Variants in ITPR2 observed in about 807,000 individuals in gnomAD.
The protein encoded by ITPR2 is inositol 1,4,5-trisphosphate-gated calcium channel ITPR2.
A neutral mutation model predicts 317.1 loss-of-function variants in ITPR2; 207 were observed. The observed-to-expected ratio is 0.65, with a 90% CI of 0.58 to 0.73. The LOEUF is 0.73. Among genes scored for constraint, ITPR2 ranks in the 30% least tolerant of loss-of-function variants. ITPR2 has a pLI of 0.00. For synonymous variants in ITPR2, 1,156 were observed against 1,149.1 expected, an observed-to-expected ratio of 1.01 and a Z score of -0.12; for missense variants, 2,613 against 3,284.0, an observed-to-expected ratio of 0.80 and a Z score of 4.99.
intron 32 of ITPR2, among the ~76,000 whole-genome samples, chr12:26,580,683 A>T (rs1945383891): frequency 6.6e-6 from 1 of 152,208 alleles, no homozygotes; most frequent in Non-Finnish European, 1.5e-5. Flanking sequence ...TTTTGATGTT[A>T]TCATCCATGG....
At chr12:26,746,646 G>A (rs776904410) in intron 2 of ITPR2, among the ~76,000 whole-genome samples, 1 of 152,108 alleles carries the variant, frequency 6.6e-6, no homozygotes, top group Non-Finnish European at 1.5e-5. Flanking sequence ...CCTTATTACT[G>A]ATGCACACAT....
At chr12:26,691,293 T>A (rs1948235448) in intron 10 of ITPR2, among the ~76,000 whole-genome samples, 1 of 152,224 alleles carries the variant, frequency 6.6e-6, no homozygotes, top group South Asian at 2.1e-4. Context: ...TCCTTGTGGC[T>A]TTTGTTTATA....
chr12:26,342,270 G>C (rs1938141379), intron 55 of ITPR2, among the ~76,000 whole-genome samples: 1 of 152,096 alleles, frequency 6.6e-6, no homozygotes, highest in Non-Finnish European at 1.5e-5. Context: ...GAGGAGAACA[G>C]ACCTGTGCTA....
chr12:26,705,514 C>G (rs1007373498), intron 9 of ITPR2, among the ~76,000 whole-genome samples: 2 of 152,170 alleles, frequency 1.3e-5, no homozygotes, highest in African/African-American at 2.4e-5. Flanking sequence ...TTTCTACTCC[C>G]TAATGATCTT....
chr12:26,410,924 A>G lies in ITPR2; in HGVS notation c.7399+396T>C, dbSNP rs1261292505. Among the ~76,000 whole-genome samples the G allele has an allele frequency of 2.6e-5, 4 of 152,336 alleles. No individual in the cohort carries two copies. The East Asian group carries it at 7.7e-4, about 29-fold the overall frequency. On this transcript the variant is annotated intron_variant, in intron 52 of 56. Coordinates refer to ENST00000381340, the MANE Select transcript of ITPR2 (RefSeq NM_002223.4). ...GAAATTTGCATAACTTGTCCAAGAC[A>G]TAGAGCTAGAGACTGTCAAGTCCAG... is the stretch of plus-strand genomic sequence containing the variant.
At chr12:26,642,955 G>A (rs1159318892) in intron 21 of ITPR2, among the ~76,000 whole-genome samples, 1 of 152,146 alleles carries the variant, frequency 6.6e-6, no homozygotes, top group Non-Finnish European at 1.5e-5. Flanking sequence ...GTGTCCCCCC[G>A]AAATTCATGC....
chr12:26,753,383 T>C (rs1250984616), intron 2 of ITPR2, among the ~76,000 whole-genome samples: 1 of 152,188 alleles, frequency 6.6e-6, no homozygotes, highest in Non-Finnish European at 1.5e-5. Flanking sequence ...GAATTAGGCA[T>C]GTACAGGATC....
chr12:26,828,881 G>A (rs533800401), intron 1 of ITPR2, among the ~76,000 whole-genome samples: 4 of 152,264 alleles, frequency 2.6e-5, no homozygotes, highest in South Asian at 2.1e-4. Context: ...GTAGAGGACC[G>A]CAAGGAGCCG....
At chr12:26,602,048 C>T (rs758724200) in intron 28 of ITPR2, among the ~76,000 whole-genome samples, 3 of 151,902 alleles carry the variant, frequency 2.0e-5, no homozygotes, top group Non-Finnish European at 4.4e-5. Context: ...ACATGACAAC[C>T]GAATAGCGCA....
chr12:26,649,883 G>A (rs920899844), intron 21 of ITPR2, among the ~76,000 whole-genome samples: 1 of 152,146 alleles, frequency 6.6e-6, no homozygotes. Flanking sequence ...TAGACAGATA[G>A]ATAATCTGAC....
At chr12:26,579,893 G>A (rs1371932406) in intron 33 of ITPR2, 134 bp downstream of exon 33, 1 of 598,674 alleles carries the variant, frequency 1.7e-6, no homozygotes, top group East Asian at 2.8e-5. Context: ...TCAGAAAGAG[G>A]CATAATAGTA....
intron 2 of ITPR2, among the ~76,000 whole-genome samples, chr12:26,782,037 T>TGTAGAGAG (rs1945716908): frequency 1.9e-5 from 1 of 51,736 alleles, no homozygotes; most frequent in African/African-American, 5.7e-5. Flanking sequence ...TATATATGTA[T>TGTAGAGAG]AGAGAGAGAG....
At chr12:26,643,532 G>C (rs1947039742) in intron 21 of ITPR2, among the ~76,000 whole-genome samples, 1 of 152,192 alleles carries the variant, frequency 6.6e-6, no homozygotes, top group Admixed American at 6.5e-5. Context: ...TTCTCTAAGA[G>C]TATTCTTAAA....
chr12:26,829,516 A>T (rs1201639457), intron 1 of ITPR2, among the ~76,000 whole-genome samples: 4 of 151,858 alleles, frequency 2.6e-5, no homozygotes, highest in African/African-American at 9.7e-5. Flanking sequence ...AATTTTTTAT[A>T]TTTTTTGTAC....
intron 34 of ITPR2, among the ~76,000 whole-genome samples, chr12:26,577,467 A>G (rs1945301640): frequency 6.6e-6 from 1 of 152,226 alleles, no homozygotes; most frequent in South Asian, 2.1e-4. Context: ...ATATCCTTCA[A>G]TATAGTAAAA....
intron 55 of ITPR2, among the ~76,000 whole-genome samples, chr12:26,374,843 T>G (rs17470040): frequency 0.065 from 9,919 of 152,334 alleles, 457 homozygotes; most frequent in Non-Finnish European, 0.099. Context: ...GAAATCCAAG[T>G]GCTGAATCAC....
At chr12:26,625,122 G>A (rs1946591180) in intron 23 of ITPR2, among the ~76,000 whole-genome samples, 1 of 152,112 alleles carries the variant, frequency 6.6e-6, no homozygotes, top group Non-Finnish European at 1.5e-5. Context: ...TCACTCATTT[G>A]TGGAAGCTAA....
intron 37 of ITPR2, among the ~76,000 whole-genome samples, chr12:26,499,044 A>G (rs1258133744): frequency 6.6e-6 from 1 of 152,218 alleles, no homozygotes; most frequent in African/African-American, 2.4e-5. Flanking sequence ...CAAGAACCCA[A>G]CCAACAGATA....
intron 26 of ITPR2, among the ~76,000 whole-genome samples, chr12:26,603,761 T>C (rs190864144): frequency 3.7e-4 from 57 of 152,288 alleles, no homozygotes; most frequent in South Asian, 1.0e-3. Flanking sequence ...GGGAAAAGCC[T>C]TGCCAGGTGA....
Sources: allele counts gnomAD v4.1 joint callset (sites outside exome capture counted in the v4.1 genomes callset), GRCh38; gene constraint gnomAD v4.1.1; transcripts MANE v1.5; gene names NCBI Gene and HGNC (gene_info 2026-07-23, HGNC 2026-07-21).